The following HSPA12A variants were observed in gnomAD, a reference collection of about 807,000 sequenced individuals.
HSPA12A encodes heat shock protein family A (Hsp70) member 12A.
Under a neutral mutation model 69.2 loss-of-function variants are expected in HSPA12A, and 28 were observed. The observed-to-expected ratio is 0.40, with a 90% CI of 0.30 to 0.55. HSPA12A has a LOEUF of 0.55. Ranked by LOEUF, HSPA12A falls within the 20% of genes least tolerant of loss-of-function variation. The pLI is 0.38. For missense variants in HSPA12A, 686 were observed against 900.7 expected (o/e 0.76, Z 3.05); for synonymous variants, 345 against 370.5 (o/e 0.93, Z 0.79).
intron 2 of HSPA12A, among the ~76,000 whole-genome samples, chr10:116,774,319 T>G (rs528217140): frequency 6.6e-6 from 1 of 152,276 alleles, no homozygotes; most frequent in Non-Finnish European, 1.5e-5. Flanking sequence ...GGCAAGGGCT[T>G]TTTTGAAATA....
chr10:116,750,446 T>C, intron 2 of HSPA12A: 1 of 579,240 alleles, frequency 1.7e-6, no homozygotes, highest in Middle Eastern at 5.1e-4. Flanking sequence ...ATTCCCTGGT[T>C]ATGATTTTGA....
intron 11 of HSPA12A, 120 bp downstream of exon 11, chr10:116,676,279 G>T: frequency 1.3e-6 from 1 of 787,462 alleles, no homozygotes; most frequent in Non-Finnish European, 2.2e-6. Flanking sequence ...CAGGGCCCTT[G>T]CCTGTGGCTC....
At chr10:116,747,074 T>A (rs1554887882), upstream of HSPA12A, among the ~76,000 whole-genome samples, 3 of 152,318 alleles carry the variant, frequency 2.0e-5, no homozygotes, top group East Asian at 3.9e-4. Flanking sequence ...CAGTGCATTT[T>A]AAAAAGCCAG....
chr10:116,810,184 A>G (rs2133181601), intron 2 of HSPA12A, among the ~76,000 whole-genome samples: 1 of 152,170 alleles, frequency 6.6e-6, no homozygotes, highest in African/African-American at 2.4e-5. Context: ...TACTTCCCTT[A>G]TTAATTTCGA....
intron 2 of HSPA12A, among the ~76,000 whole-genome samples, chr10:116,813,576 G>T (rs1845239551): frequency 6.6e-6 from 1 of 151,780 alleles, no homozygotes; most frequent in Non-Finnish European, 1.5e-5. Context: ...CATAATGTCT[G>T]GCATTCAATT....
At chr10:116,791,468 C>T (rs1295446402) in intron 2 of HSPA12A, among the ~76,000 whole-genome samples, 2 of 152,104 alleles carry the variant, frequency 1.3e-5, no homozygotes, top group Non-Finnish European at 2.9e-5. Context: ...AATATCGCCC[C>T]GTCAGAGTAA....
At chr10:116,704,466 G>T (rs530915715) in intron 3 of HSPA12A, among the ~76,000 whole-genome samples, 3 of 152,030 alleles carry the variant, frequency 2.0e-5, no homozygotes, top group Admixed American at 1.3e-4. Context: ...GTTGTGGGGT[G>T]GGGGGAGTGG....
intron 1 of HSPA12A, among the ~76,000 whole-genome samples, chr10:116,713,454 A>T (rs1245674622): frequency 3.3e-5 from 5 of 152,200 alleles, no homozygotes; most frequent in Non-Finnish European, 7.3e-5. Context: ...TTACCATGGC[A>T]GAGACAGTAG....
chr10:116,767,314 G>T (rs1247369354), intron 2 of HSPA12A, among the ~76,000 whole-genome samples: 1 of 152,154 alleles, frequency 6.6e-6, no homozygotes, highest in Non-Finnish European at 1.5e-5. Flanking sequence ...TATTCTCCTT[G>T]GCTCAGGCAC....
At chr10:116,726,726 CT>C (rs1554885083) in intron 1 of HSPA12A, among the ~76,000 whole-genome samples, 1 of 152,210 alleles carries the variant, frequency 6.6e-6, no homozygotes, top group East Asian at 1.9e-4. Flanking sequence ...CGGCATGGCC[CT>C]ACTGCCTCCA....
chr10:116,796,003 C>A (rs1844815169), intron 2 of HSPA12A, among the ~76,000 whole-genome samples: 1 of 150,692 alleles, frequency 6.6e-6, no homozygotes, highest in Non-Finnish European at 1.5e-5. Flanking sequence ...AAAAAATTAG[C>A]CGGGCGTGGT....
chr10:116,684,169 CA>C (rs1554879184), intron 6 of HSPA12A, among the ~76,000 whole-genome samples: 1 of 152,134 alleles, frequency 6.6e-6, no homozygotes, highest in African/African-American at 2.4e-5. Context: ...CCAGGGTGGC[CA>C]AAGAAAATGT....
chr10:116,734,138 G>T (rs1851240808), intron 1 of HSPA12A, among the ~76,000 whole-genome samples: 1 of 151,750 alleles, frequency 6.6e-6, no homozygotes. Context: ...AGGGCACAGT[G>T]GTTCACACCT....
chr10:116,779,198 C>T (rs1325064532), intron 2 of HSPA12A, among the ~76,000 whole-genome samples: 1 of 152,180 alleles, frequency 6.6e-6, no homozygotes, highest in Non-Finnish European at 1.5e-5. Flanking sequence ...TGGCTGAACT[C>T]CAAGGGGGAC....
chr10:116,756,269 C>G (rs11197812), intron 2 of HSPA12A, among the ~76,000 whole-genome samples: 3 of 152,248 alleles, frequency 2.0e-5, no homozygotes, highest in Non-Finnish European at 4.4e-5. Context: ...TACTGTCACT[C>G]TGGCTCTCGC....
At chr10:116,814,374 G>A (rs1254615349) in intron 2 of HSPA12A, among the ~76,000 whole-genome samples, 1 of 152,150 alleles carries the variant, frequency 6.6e-6, no homozygotes, top group African/African-American at 2.4e-5. Context: ...GATCCATACA[G>A]GAACCCCCTT....
intron 10 of HSPA12A, among the ~76,000 whole-genome samples, chr10:116,678,945 A>G (rs1195568743): frequency 6.6e-6 from 1 of 152,170 alleles, no homozygotes; most frequent in Non-Finnish European, 1.5e-5. Context: ...TATTATATAT[A>G]TAAATTTAAA....
At chr10:116,814,894 A>G (rs1166540768) in intron 2 of HSPA12A, among the ~76,000 whole-genome samples, 1 of 152,200 alleles carries the variant, frequency 6.6e-6, no homozygotes, top group Non-Finnish European at 1.5e-5. Context: ...AAAGGGGGGA[A>G]TAAGTTCCCT....
Position 116,710,566 on chromosome 10 carries a change from C to T in HSPA12A, c.41-3281G>A, listed in dbSNP as rs1488865681. 6.6e-6 allele frequency among the ~76,000 whole-genome samples: 1 copy of T among 152,106 alleles called. No individual in the cohort carries two copies. Among genetic ancestry groups the T allele is most frequent in the African/African-American group, 2.4e-5 (1 of 41,424 alleles). ...TCCCTTCAACCCCACGGCAACTGGG[C>T]CAATATTAAACAAATCATTTGACTT... is the stretch of plus-strand genomic sequence containing the variant. On this transcript the variant is annotated intron_variant, in intron 1 of 11. Transcript: ENST00000369209. This position sits in a 1 kb window ranked among gnomAD's most constrained non-coding sequence, Gnocchi z 4.1.
Sources: allele counts gnomAD v4.1 joint callset (sites outside exome capture counted in the v4.1 genomes callset), GRCh38; gene constraint gnomAD v4.1.1; non-coding constraint Gnocchi (gnomAD v3.1); transcripts MANE v1.5; gene names NCBI Gene and HGNC (gene_info 2026-07-23, HGNC 2026-07-21).